The following FRAS1 variants were observed in gnomAD, a reference collection of about 807,000 sequenced individuals.
FRAS1 encodes the protein extracellular matrix organizing protein FRAS1.
A neutral mutation model predicts 435.2 loss-of-function variants in FRAS1; 290 were observed. That is an observed-to-expected ratio of 0.67 (90% CI 0.61 to 0.73). FRAS1 has a LOEUF of 0.73. Ranked by LOEUF, FRAS1 falls within the 30% of genes least tolerant of loss-of-function variation. The probability of loss-of-function intolerance (pLI) is 0.00; values close to 1 mark genes in which losing one functional copy is unlikely to be tolerated. For missense variants in FRAS1, 4,860 were observed against 5,001.5 expected (o/e 0.97, Z 0.85); for synonymous variants, 1,800 against 1,851.0 (o/e 0.97, Z 0.71).
intron 1 of FRAS1, among the ~76,000 whole-genome samples, chr4:78,064,854 A>C (rs1413372853): frequency 6.6e-6 from 1 of 151,706 alleles, no homozygotes; most frequent in Non-Finnish European, 1.5e-5. Context: ...TTTAGAAACC[A>C]ACTGTGTGGA....
chr4:78,483,683 A>G (rs1463834893), intron 58 of FRAS1, among the ~76,000 whole-genome samples: 2 of 149,794 alleles, frequency 1.3e-5, no homozygotes, highest in Admixed American at 6.7e-5. Flanking sequence ...TTCTACCCCT[A>G]TCTCCCAGTC....
intron 2 of FRAS1, among the ~76,000 whole-genome samples, chr4:78,208,505 G>A (rs921404120): frequency 1.3e-5 from 2 of 152,132 alleles, no homozygotes; most frequent in Non-Finnish European, 1.5e-5. Flanking sequence ...ACAGAGAAAG[G>A]TGAAGTGGAA....
chr4:78,518,420 G>GTATATATATATA (rs1282959069), intron 66 of FRAS1, among the ~76,000 whole-genome samples: 5 of 65,710 alleles, frequency 7.6e-5, no homozygotes, highest in African/African-American at 3.5e-4. Context: ...TTTTTTTGTT[G>GTATATATATATA]TGTATATATA....
chr4:78,456,546 T>C (rs1048205132), intron 47 of FRAS1, among the ~76,000 whole-genome samples: 3 of 152,200 alleles, frequency 2.0e-5, no homozygotes, highest in African/African-American at 7.2e-5. Flanking sequence ...ACTTAACTAA[T>C]AGCAGTCATA....
chr4:78,511,383 T>A lies in FRAS1; in HGVS notation c.9890T>A (p.Ile3297Asn). Residue 3297 changes from isoleucine to asparagine, a missense_variant, in exon 64 of 74, where the codon ATT becomes AAT. Coordinates refer to ENST00000512123, the MANE Select transcript of FRAS1 (RefSeq NM_025074.7). ...CCCTTAAGGAGCAACATTGTTACCA[T>A]TGGAACAGACAGTGCTATCTGCCAC... ...GTPLRSNIVT[I>N]GTDSAICHTP... 6.2e-7 allele frequency: 1 copy of A among 1,613,932 alleles called. No homozygotes were observed. The highest frequency in any genetic ancestry group is 2.2e-5 in the East Asian group (1 of 44,870).
chr4:78,396,439 T>A (rs1218850469), intron 29 of FRAS1, among the ~76,000 whole-genome samples: 2 of 152,236 alleles, frequency 1.3e-5, no homozygotes, highest in Non-Finnish European at 2.9e-5. Flanking sequence ...ACAAACTCCC[T>A]CAGCCTTTGT....
chr4:78,300,922 C>T (rs566793849), intron 14 of FRAS1, among the ~76,000 whole-genome samples: 1 of 152,284 alleles, frequency 6.6e-6, no homozygotes, highest in African/African-American at 2.4e-5. Flanking sequence ...TTAGTCCCCA[C>T]CACCCCCACC....
chr4:78,113,750 T>G (rs1300766843), intron 2 of FRAS1, among the ~76,000 whole-genome samples: 2 of 152,190 alleles, frequency 1.3e-5, no homozygotes, highest in South Asian at 2.1e-4. Flanking sequence ...ATGAGTAGAT[T>G]GCAAAAATTT....
intron 18 of FRAS1, among the ~76,000 whole-genome samples, chr4:78,324,870 A>G (rs988218322): frequency 1.3e-5 from 2 of 152,140 alleles, no homozygotes; most frequent in Non-Finnish European, 2.9e-5. Context: ...TAGATTAGCC[A>G]TGTAATTACC....
At chr4:78,364,665 G>T (rs1395522347) in intron 22 of FRAS1, among the ~76,000 whole-genome samples, 1 of 152,152 alleles carries the variant, frequency 6.6e-6, no homozygotes, top group East Asian at 1.9e-4. Flanking sequence ...ATTAGGGAAT[G>T]GGTAAATTTG....
chr4:78,324,781 A>G (rs1729654284), intron 18 of FRAS1, among the ~76,000 whole-genome samples: 1 of 142,940 alleles, frequency 7.0e-6, no homozygotes, highest in South Asian at 2.1e-4. Context: ...CAGGCCATCC[A>G]ATTAATAATG....
At chr4:78,294,684 A>G (rs1728066237) in intron 14 of FRAS1, among the ~76,000 whole-genome samples, 1 of 152,156 alleles carries the variant, frequency 6.6e-6, no homozygotes, top group Admixed American at 6.5e-5. Flanking sequence ...ATTCAAATAT[A>G]TTACTCAAGA....
intron 58 of FRAS1, among the ~76,000 whole-genome samples, chr4:78,483,755 G>C (rs1413444813): frequency 3.7e-5 from 3 of 80,600 alleles, no homozygotes; most frequent in Non-Finnish European, 7.5e-5. Context: ...TATCCTTCAG[G>C]AGAAAAAAAA....
intron 2 of FRAS1, among the ~76,000 whole-genome samples, chr4:78,204,325 G>C (rs1723164735): frequency 6.6e-6 from 1 of 152,168 alleles, no homozygotes; most frequent in Non-Finnish European, 1.5e-5. Flanking sequence ...ATATGGACTA[G>C]CTAAACATCT....
chr4:78,509,475 C>CTTTTTTTTTTTTTTTTTTTT (rs1560418759), intron 63 of FRAS1, among the ~76,000 whole-genome samples: 1 of 152,182 alleles, frequency 6.6e-6, no homozygotes, highest in African/African-American at 2.4e-5. Context: ...TACCACATTT[C>CTTTTTTTTTTTTTTTTTTTT]TGTAATGCAG....
chr4:78,456,079 G>A (rs574797652), intron 47 of FRAS1, among the ~76,000 whole-genome samples: 2 of 151,722 alleles, frequency 1.3e-5, no homozygotes, highest in Non-Finnish European at 2.9e-5. Flanking sequence ...GAAAGAAAAG[G>A]CCAGGGAAGC....
In FRAS1 at chr4:78,517,799, A is replaced by G. The variant is rs537692072; in HGVS notation, c.10390-1532A>G. On this transcript the variant is annotated intron_variant, in intron 66 of 73. Transcript: ENST00000512123. Reference sequence around the variant, plus strand: ...TATCATGAGGGCTAAAGGAGGATAAACAAAAACAAATGAGGAAAAATTAAT... The same window carrying G: ...TATCATGAGGGCTAAAGGAGGATAAGCAAAAACAAATGAGGAAAAATTAAT... Among the ~76,000 whole-genome samples, 38 of 152,326 alleles carry G rather than the reference A, an allele frequency of 2.5e-4. No individual in the cohort carries two copies. The South Asian group carries it at 2.7e-3, about 11-fold the overall frequency.
At chr4:78,094,619 A>G (rs1451452085) in intron 2 of FRAS1, among the ~76,000 whole-genome samples, 1 of 152,122 alleles carries the variant, frequency 6.6e-6, no homozygotes, top group Non-Finnish European at 1.5e-5. Context: ...CTGAGTTGAG[A>G]GCTGACCTTT....
At position 78,255,244 on chromosome 4, in the gene FRAS1, C is replaced by A. The variant is rs1196409860; in HGVS notation, c.472C>A (p.Pro158Thr). 1.3e-6 allele frequency: 2 copies of A among 1,551,892 alleles called. No homozygotes were observed. Among genetic ancestry groups the A allele is most frequent in the Non-Finnish European group, 1.7e-6 (2 of 1,147,078 alleles). ...CCPVCVGLGK[P>T]CSYEGHVFQD... ...TCCTTGTTTCTTTGACCTTCCAGAACCCTGTTCCTATGAAGGCCATGTGTT... is the reference window on the plus strand; with the variant it reads ...TCCTTGTTTCTTTGACCTTCCAGAAACCTGTTCCTATGAAGGCCATGTGTT... The change falls in exon 6 of 74, where the codon CCC (proline) becomes ACC (threonine). Residue 158 changes from proline to threonine, a missense_variant and splice_region_variant. By Grantham distance (38) the Pro-to-Thr change is conservative. Coordinates refer to ENST00000512123, the MANE Select transcript of FRAS1 (RefSeq NM_025074.7).
Sources: gnomAD v4.1 joint callset for allele counts (sites outside exome capture counted in the v4.1 genomes callset) on GRCh38, gnomAD v4.1.1 for gene constraint, MANE v1.5 for transcripts, NCBI Gene and HGNC (gene_info 2026-07-23, HGNC 2026-07-21) for gene names.